NUP210: variants seen among roughly 807,000 people sequenced by gnomAD.
NUP210 encodes nuclear pore membrane glycoprotein 210.
A neutral mutation model predicts 196.0 loss-of-function variants in NUP210; 151 were observed. The observed-to-expected ratio is 0.77, with a 90% CI of 0.67 to 0.88. The LOEUF is 0.88. NUP210 is among the 40% of genes least tolerant of loss of function. The probability of loss-of-function intolerance (pLI) is 0.00; values close to 1 mark genes in which losing one functional copy is unlikely to be tolerated. For missense variants in NUP210, 2,314 were observed against 2,493.7 expected (o/e 0.93, Z 1.53); for synonymous variants, 1,070 against 1,052.7 (o/e 1.02, Z -0.32).
chr3:13,329,067 G>A, intron 30 of NUP210, 121 bp from the exon 31 acceptor site: 1 of 797,072 alleles, frequency 1.3e-6, no homozygotes. Context: ...ACAATGCAGG[G>A]CTGGACTTAG....
At chr3:13,322,689 G>A (rs1696589071) in intron 34 of NUP210, among the ~76,000 whole-genome samples, 1 of 152,254 alleles carries the variant, frequency 6.6e-6, no homozygotes, top group Non-Finnish European at 1.5e-5. Flanking sequence ...ACATTCAGAG[G>A]GCACTAGTTC....
intron 36 of NUP210, among the ~76,000 whole-genome samples, chr3:13,321,214 G>A (rs1313044521): frequency 1.3e-5 from 2 of 152,234 alleles, no homozygotes; most frequent in Non-Finnish European, 2.9e-5. Flanking sequence ...GGAGAGAGGG[G>A]ACTTGTCCCA....
intron 13 of NUP210, among the ~76,000 whole-genome samples, chr3:13,367,432 A>G (rs1394505776): frequency 6.6e-6 from 1 of 152,182 alleles, no homozygotes; most frequent in East Asian, 1.9e-4. Flanking sequence ...AGCAAAACTC[A>G]GTTAAAGAAA....
intron 14 of NUP210, among the ~76,000 whole-genome samples, chr3:13,363,000 C>T (rs768831312): frequency 1.1e-4 from 16 of 152,194 alleles, no homozygotes; most frequent in Middle Eastern, 3.2e-3. Flanking sequence ...TCTGTCCCCA[C>T]TGGAGTGAAG....
intron 13 of NUP210, among the ~76,000 whole-genome samples, chr3:13,366,315 A>T (rs1302008609): frequency 1.3e-5 from 2 of 151,574 alleles, no homozygotes; most frequent in Non-Finnish European, 2.9e-5. Flanking sequence ...TTTTTTTAAT[A>T]GAGACGGGGT....
intron 14 of NUP210, among the ~76,000 whole-genome samples, chr3:13,360,754 C>T (rs1698344219): frequency 6.6e-6 from 1 of 152,178 alleles, no homozygotes; most frequent in Admixed American, 6.5e-5. Flanking sequence ...TTTCGTCAAA[C>T]AATCTGGTAA....
intron 27 of NUP210, among the ~76,000 whole-genome samples, chr3:13,335,970 C>T (rs1310169538): frequency 6.6e-6 from 1 of 152,220 alleles, no homozygotes; most frequent in Admixed American, 6.5e-5. Context: ...GCAGTGTGTC[C>T]CTGCAGACTA....
chr3:13,332,841 G>A (rs897229865), intron 28 of NUP210, among the ~76,000 whole-genome samples: 12 of 152,168 alleles, frequency 7.9e-5, no homozygotes, highest in African/African-American at 2.7e-4. Flanking sequence ...CTCTCCCTCC[G>A]TGCCCAGTGA....
rs1238134230 is a variant in NUP210, at chr3:13,377,567, A to T, written c.1046-5T>A. 1 of 1,611,116 alleles carries T rather than the reference A, an allele frequency of 6.2e-7. No homozygotes were observed. The highest frequency in any genetic ancestry group is 8.5e-7 in the Non-Finnish European group (1 of 1,177,808). ...CACCAGGGTGAACAGTGAACCCTAA[A>T]ACAGGCAGAGGGAGCCTGAGCACTC... is the stretch of plus-strand genomic sequence containing the variant. On this transcript the variant is annotated splice_region_variant and splice_polypyrimidine_tract_variant and intron_variant, in intron 8 of 39. Coordinates refer to ENST00000254508, the MANE Select transcript of NUP210 (RefSeq NM_024923.4).
intron 35 of NUP210, 40 bp from the exon 36 acceptor site, chr3:13,321,875 C>T (rs760031657): frequency 6.3e-7 from 1 of 1,584,468 alleles, no homozygotes; most frequent in Non-Finnish European, 8.6e-7. Context: ...CCCTCTCCTG[C>T]CCGTGCACTG....
Position 13,379,841 on chromosome 3 carries a change from G to T in NUP210, c.818-120C>A. The T allele has an allele frequency of 2.6e-6, 2 of 760,016 alleles. No individual in the cohort carries two copies. Among genetic ancestry groups the T allele is most frequent in the Non-Finnish European group, 4.0e-6 (2 of 501,174 alleles). The allele number at this position is 760,016 out of a possible 1,614,324, so 47.1% of individuals were successfully genotyped here. ...GCACTCTGCTCTCAGTACAGCTGAC[G>T]CATTTTCTTAATTGTTTTCAGTGCT... On this transcript the variant is annotated intron_variant, in intron 6 of 39. Transcript: ENST00000254508. This position sits in a 1 kb window ranked among gnomAD's most constrained non-coding sequence, Gnocchi z 4.2.
chr3:13,342,054 T>G lies in NUP210; in HGVS notation c.3034A>C (p.Lys1012Gln), dbSNP rs2124862398. 6.2e-7 allele frequency: 1 copy of G among 1,614,206 alleles called. No individual in the cohort carries two copies. Among genetic ancestry groups the G allele is most frequent in the Non-Finnish European group, 8.5e-7 (1 of 1,180,026 alleles). Residue 1012 changes from lysine (K) to glutamine (Q), a missense_variant, in exon 22 of 40, where the codon AAA becomes CAA. Transcript: ENST00000254508. ...LDLHKKPFLA[K>Q]YFPFMDLKLR... ...TTCAGGTCCATAAAGGGGAAGTATT[T>G]GGCAAGGAAGGGCTTCTTGTGCAAG... is the stretch of plus-strand genomic sequence containing the variant.
At chr3:13,399,164 G>A (rs879566734) in intron 2 of NUP210, among the ~76,000 whole-genome samples, 8 of 151,316 alleles carry the variant, frequency 5.3e-5, no homozygotes, top group Non-Finnish European at 8.8e-5. Context: ...TACTCGGGAG[G>A]CTGAGGCAGG....
Position 13,340,010 on chromosome 3 carries a change from C to T in NUP210, c.3315G>A (p.Gln1105=), listed in dbSNP as rs751336276. Residue 1105 remains glutamine, a synonymous_variant, in exon 25 of 40, where the codon CAG becomes CAA. Coordinates refer to ENST00000254508, the MANE Select transcript of NUP210 (RefSeq NM_024923.4). This position sits in a 1 kb window ranked among gnomAD's most constrained non-coding sequence, Gnocchi z 4.0. ...TGGAGAAAAGGATGTTGGACTGAGGCTGGGGGCCGCCCTCGGAGGTGACCT... is the reference window on the plus strand; with the variant it reads ...TGGAGAAAAGGATGTTGGACTGAGGTTGGGGGCCGCCCTCGGAGGTGACCT... ...TMQVTSEGGP[Q]PQSNILFSIS... 3.7e-6 allele frequency: 6 copies of T among 1,613,830 alleles called. No individual in the cohort carries two copies. Among genetic ancestry groups the T allele is most frequent in the Non-Finnish European group, 5.1e-6 (6 of 1,180,028 alleles).
intron 16 of NUP210, among the ~76,000 whole-genome samples, chr3:13,356,203 T>C (rs567225856): frequency 6.6e-6 from 1 of 152,346 alleles, no homozygotes; most frequent in South Asian, 2.1e-4. Context: ...TACCTTGTCA[T>C]TCTGATCAGT....
intron 5 of NUP210, 39 bp from the exon 6 acceptor site, chr3:13,386,446 C>G (rs1181540921): frequency 6.2e-7 from 1 of 1,611,992 alleles, no homozygotes; most frequent in Admixed American, 1.7e-5. Context: ...GAGGTGCGGA[C>G]AGGGAATGGG....
At chr3:13,415,646 C>A (rs192674233) in intron 1 of NUP210, among the ~76,000 whole-genome samples, 1 of 152,168 alleles carries the variant, frequency 6.6e-6, no homozygotes, top group Non-Finnish European at 1.5e-5. Flanking sequence ...GGCCTCCCGT[C>A]GAATTCAACT....
intron 1 of NUP210, among the ~76,000 whole-genome samples, chr3:13,416,325 C>T (rs1700347194): frequency 6.6e-6 from 1 of 152,158 alleles, no homozygotes; most frequent in Non-Finnish European, 1.5e-5. Flanking sequence ...CAGGCAGGTC[C>T]ACATCCCCTC....
rs200679883 is a variant in NUP210, at chr3:13,340,024, C to T, written c.3301G>A (p.Glu1101Lys). 17 of 1,613,690 alleles carry T rather than the reference C, an allele frequency of 1.1e-5. No homozygotes were observed. The Admixed American group carries it at 2.0e-4, about 19-fold the overall frequency. Reference sequence around the variant, plus strand: ...TTGGACTGAGGCTGGGGGCCGCCCTCGGAGGTGACCTGAGCGGGGAGGAAA... The same window carrying T: ...TTGGACTGAGGCTGGGGGCCGCCCTTGGAGGTGACCTGAGCGGGGAGGAAA... ...LIGATMQVTS[E>K]GGPQPQSNIL... The change falls in exon 25 of 40, where the codon GAG (glutamate) becomes AAG (lysine). Residue 1101 changes from glutamate (E) to lysine (K), a missense_variant. By Grantham distance (56) the Glu-to-Lys change is moderately conservative. Coordinates refer to ENST00000254508, the MANE Select transcript of NUP210 (RefSeq NM_024923.4). This position sits in a 1 kb window ranked among gnomAD's most constrained non-coding sequence, Gnocchi z 4.0.
Sources: allele counts gnomAD v4.1 joint callset (sites outside exome capture counted in the v4.1 genomes callset), GRCh38; gene constraint gnomAD v4.1.1; non-coding constraint Gnocchi (gnomAD v3.1); transcripts MANE v1.5; gene names NCBI Gene and HGNC (gene_info 2026-07-23, HGNC 2026-07-21).